Variants in GALNTL6 observed in about 807,000 individuals in gnomAD.
The protein encoded by GALNTL6 is polypeptide N-acetylgalactosaminyltransferase like 6.
In GALNTL6, 46 loss-of-function variants were observed where a neutral mutation model predicts 73.7. The ratio of observed to expected loss-of-function variants is 0.62; its 90% CI spans 0.49 to 0.80. The LOEUF (loss-of-function observed/expected upper bound fraction) is 0.80, where lower values mean the gene tolerates loss of function less well. Among genes scored for constraint, GALNTL6 ranks in the 30% least tolerant of loss-of-function variants. The pLI, the probability that GALNTL6 is intolerant of heterozygous loss-of-function variation, is 0.00. For synonymous variants in GALNTL6, 259 were observed against 263.7 expected, an observed-to-expected ratio of 0.98 and a Z score of 0.17; for missense variants, 604 against 755.0, an observed-to-expected ratio of 0.80 and a Z score of 2.34.
intron 2 of GALNTL6, among the ~76,000 whole-genome samples, chr4:171,885,426 G>T (rs1334742947): frequency 6.6e-6 from 1 of 152,096 alleles, no homozygotes; most frequent in African/African-American, 2.4e-5. Context: ...TCATTTGGGG[G>T]ACTCTTCATT....
intron 2 of GALNTL6, among the ~76,000 whole-genome samples, chr4:171,959,549 G>A (rs894432169): frequency 1.6e-4 from 25 of 152,178 alleles, no homozygotes; most frequent in African/African-American, 5.3e-4. Context: ...TTTAGAATTT[G>A]TATATACATA....
rs144325111 is a variant in GALNTL6 at position 171,983,007 on chromosome 4, C to T, written c.138+168289C>T. On this transcript the variant is annotated intron_variant, in intron 2 of 12. Coordinates refer to ENST00000506823, the MANE Select transcript of GALNTL6 (RefSeq NM_001034845.3). Reference sequence around the variant, plus strand: ...TCTGCTTCATGGCCTATCCTCCCTCCCTTTTTTCCTCCTTGCACTTTCTCT... The same window carrying T: ...TCTGCTTCATGGCCTATCCTCCCTCTCTTTTTTCCTCCTTGCACTTTCTCT... Among the ~76,000 whole-genome samples the T allele has an allele frequency of 9.2e-3, 1,402 of 152,262 alleles. 17 individuals are homozygous for T. Among genetic ancestry groups the T allele is most frequent in the Non-Finnish European group, 0.012 (788 of 68,016 alleles).
At chr4:172,150,586 A>G (rs1312907294) in intron 2 of GALNTL6, among the ~76,000 whole-genome samples, 1 of 152,200 alleles carries the variant, frequency 6.6e-6, no homozygotes, top group Non-Finnish European at 1.5e-5. Flanking sequence ...GAAAGGAAAT[A>G]GTATGTGAAT....
chr4:171,941,569 C>A (rs1279107045), intron 2 of GALNTL6, among the ~76,000 whole-genome samples: 1 of 152,204 alleles, frequency 6.6e-6, no homozygotes, highest in Non-Finnish European at 1.5e-5. Context: ...GTCATCACCA[C>A]AGTTAGAATC....
At chr4:171,834,061 A>G (rs1297294869) in intron 2 of GALNTL6, among the ~76,000 whole-genome samples, 2 of 151,820 alleles carry the variant, frequency 1.3e-5, no homozygotes, top group Admixed American at 1.3e-4. Flanking sequence ...TTAAAAAAAC[A>G]TTTTTTAAAG....
At chr4:172,646,353 C>T (rs1740242101) in intron 5 of GALNTL6, among the ~76,000 whole-genome samples, 1 of 151,970 alleles carries the variant, frequency 6.6e-6, no homozygotes, top group Non-Finnish European at 1.5e-5. Context: ...GTATATTTCT[C>T]TATTTATGCC....
At chr4:172,628,637 C>T (rs115799454) in intron 5 of GALNTL6, among the ~76,000 whole-genome samples, 4,803 of 152,022 alleles carry the variant, frequency 0.032, 117 homozygotes, top group South Asian at 0.09. Context: ...TGCTGGCAAG[C>T]AGAGATGGTA....
intron 2 of GALNTL6, among the ~76,000 whole-genome samples, chr4:171,868,529 A>G (rs1034440510): frequency 2.0e-5 from 3 of 152,198 alleles, no homozygotes; most frequent in Non-Finnish European, 4.4e-5. Flanking sequence ...AGGACTTGAC[A>G]CAAATATCCA....
intron 2 of GALNTL6, among the ~76,000 whole-genome samples, chr4:172,089,494 T>C (rs1247515425): frequency 6.6e-6 from 1 of 152,102 alleles, no homozygotes. Context: ...TTAATTTTAG[T>C]AATTCCAAGT....
Position 172,767,826 on chromosome 4 carries a change from C to T in GALNTL6, c.554-41535C>T, listed in dbSNP as rs553336804. 2.0e-4 allele frequency among the ~76,000 whole-genome samples: 31 copies of T among 151,932 alleles called. No homozygotes were observed. In the South Asian group the frequency reaches 4.4e-3, roughly 21 times the overall value. ...CTGGGATCACAGGAGCACACCACCA[C>T]GCCCAGCTAATTTTTGTATTTTTAG... On this transcript the variant is annotated intron_variant, in intron 5 of 12. Coordinates refer to ENST00000506823, the MANE Select transcript of GALNTL6 (RefSeq NM_001034845.3).
At chr4:172,613,193 T>C (rs79635328) in intron 5 of GALNTL6, among the ~76,000 whole-genome samples, 4,644 of 152,120 alleles carry the variant, frequency 0.031, 107 homozygotes, top group South Asian at 0.087. Context: ...GGGAGGATAA[T>C]AAGTAAAATG....
At chr4:172,012,910 T>C (rs986524618) in intron 2 of GALNTL6, among the ~76,000 whole-genome samples, 1 of 152,088 alleles carries the variant, frequency 6.6e-6, no homozygotes, top group African/African-American at 2.4e-5. Flanking sequence ...AAAGGACATC[T>C]CCCTCACCCC....
At chr4:172,388,957 A>G (rs536573915) in intron 5 of GALNTL6, among the ~76,000 whole-genome samples, 91 of 152,076 alleles carry the variant, frequency 6.0e-4, no homozygotes, top group African/African-American at 1.8e-3. Context: ...TTTTTGGTGA[A>G]CTTTATTTTC....
intron 2 of GALNTL6, among the ~76,000 whole-genome samples, chr4:171,982,967 A>G (rs1206249261): frequency 6.6e-6 from 1 of 152,162 alleles, no homozygotes; most frequent in Non-Finnish European, 1.5e-5. Flanking sequence ...TCAGAGCCTT[A>G]CAAGAATGTA....
chr4:172,838,137 C>A (rs1364042043), intron 7 of GALNTL6, among the ~76,000 whole-genome samples: 1 of 151,758 alleles, frequency 6.6e-6, no homozygotes, highest in East Asian at 1.9e-4. Flanking sequence ...GAAGTGGGGG[C>A]AGTTGAGAGA....
At chr4:172,385,545 A>T (rs922397942) in intron 5 of GALNTL6, among the ~76,000 whole-genome samples, 2 of 151,916 alleles carry the variant, frequency 1.3e-5, no homozygotes, top group Non-Finnish European at 2.9e-5. Context: ...TTTTGCTTTT[A>T]TATCAATTTT....
intron 5 of GALNTL6, among the ~76,000 whole-genome samples, chr4:172,720,644 C>T (rs2111355184): frequency 6.6e-6 from 1 of 152,262 alleles, no homozygotes. Context: ...TCAATATAAA[C>T]AAAAAATTAA....
At chr4:171,898,400 A>G (rs1189480467) in intron 2 of GALNTL6, among the ~76,000 whole-genome samples, 2 of 152,174 alleles carry the variant, frequency 1.3e-5, no homozygotes, top group Non-Finnish European at 2.9e-5. Context: ...AAAAAGATGT[A>G]TGTGAATATC....
intron 5 of GALNTL6, among the ~76,000 whole-genome samples, chr4:172,396,972 A>T (rs1743871061): frequency 6.6e-6 from 1 of 152,166 alleles, no homozygotes. Context: ...TATATTGTTA[A>T]TGCAGATTTT....
Sources: allele counts gnomAD v4.1 joint callset (sites outside exome capture counted in the v4.1 genomes callset), GRCh38; gene constraint gnomAD v4.1.1; transcripts MANE v1.5; gene names NCBI Gene and HGNC (gene_info 2026-07-23, HGNC 2026-07-21).